Variants in CDK5RAP3 observed in about 807,000 individuals in gnomAD.
CDK5RAP3 encodes CDK5 regulatory subunit associated protein 3.
Under a neutral mutation model 73.3 loss-of-function variants are expected in CDK5RAP3, and 58 were observed. The observed-to-expected ratio is 0.79, with a 90% confidence interval of 0.64 to 0.98. CDK5RAP3 has a LOEUF of 0.98. Among genes scored for constraint, CDK5RAP3 ranks in the 50% least tolerant of loss-of-function variants. The pLI is 0.00. For synonymous variants in CDK5RAP3, 224 were observed against 247.5 expected (o/e 0.91, Z 0.89); for missense variants, 525 against 615.8 (o/e 0.85, Z 1.56).
In CDK5RAP3 at chr17:47,973,640, G is replaced by C. The variant is rs765270208; in HGVS notation, c.174G>C (p.Leu58=). ...AGAGCGAAGAGATCGCCCAGCTGCTGTCTGGGTCCTGTGAGTGCTTAGGGG... is the reference window on the plus strand; with the variant it reads ...AGAGCGAAGAGATCGCCCAGCTGCTCTCTGGGTCCTGTGAGTGCTTAGGGG... ...MPESEEIAQL[L]SGSYIHYFHC... Residue 58 remains leucine (L), a synonymous_variant, in exon 3 of 14, where the codon CTG becomes CTC. Transcript: ENST00000338399. 3 of 1,614,136 alleles carry C rather than the reference G, an allele frequency of 1.9e-6. No individual in the cohort carries two copies. The highest frequency in any genetic ancestry group is 2.2e-5 in the South Asian group (2 of 91,082).
In CDK5RAP3 at chr17:47,980,724, A is replaced by C; in HGVS notation, c.1209A>C (p.Ser403=). ...AAGAGAAGATGGTTACCATGGTGTC[A>C]GTGCTGGAGGATCTGATTGGCAAGC... The part of the protein sequence containing the change: ...QTKEKMVTMV[S]VLEDLIGKLT... Residue 403 remains serine (S), a synonymous_variant, in exon 12 of 14, where the codon TCA becomes TCC. Coordinates refer to ENST00000338399, the MANE Select transcript of CDK5RAP3 (RefSeq NM_176096.3). 3 of 1,614,232 alleles carry C rather than the reference A, an allele frequency of 1.9e-6. No homozygotes were observed. Among genetic ancestry groups the C allele is most frequent in the Non-Finnish European group, 2.5e-6 (3 of 1,180,050 alleles).
chr17:47,971,325 G>T (rs747674667), intron 1 of CDK5RAP3, 37 bp from the exon 2 acceptor site: 12 of 1,600,240 alleles, frequency 7.5e-6, no homozygotes, highest in Non-Finnish European at 1.0e-5. Context: ...TCCTCTCTCC[G>T]CGCTCACGCC....
intron 3 of CDK5RAP3, 73 bp downstream of exon 3, chr17:47,973,723 G>A: frequency 1.3e-6 from 2 of 1,578,534 alleles, no homozygotes; most frequent in Non-Finnish European, 1.7e-6. Flanking sequence ...CTACTCTCTT[G>A]TTATTTAGCC....
chr17:47,979,704 AGGAC>A (rs1055110879), intron 11 of CDK5RAP3: 2 of 152,440 alleles, frequency 1.3e-5, no homozygotes, highest in Admixed American at 1.3e-4. Context: ...TAAGGCTGGG[AGGAC>A]GGGGTCCTGT....
At chr17:47,979,325 G>T in intron 11 of CDK5RAP3, 1 of 171,614 alleles carries the variant, frequency 5.8e-6, no homozygotes, top group South Asian at 1.3e-4. Context: ...CTGGTGGTCA[G>T]GGAAGGCCTC....
At chr17:47,973,785 T>A in intron 3 of CDK5RAP3, 135 bp downstream of exon 3, 1 of 1,264,614 alleles carries the variant, frequency 7.9e-7, no homozygotes, top group African/African-American at 1.5e-5. Flanking sequence ...GTATAGATGC[T>A]GGCTTCTTCC....
intron 9 of CDK5RAP3, 106 bp downstream of exon 9, chr17:47,976,928 C>A: frequency 1.5e-6 from 1 of 657,106 alleles, no homozygotes; most frequent in Non-Finnish European, 2.6e-6. Flanking sequence ...AGCTCTAAGA[C>A]CAGGTATAGT....
At chr17:47,980,872 A>G in intron 12 of CDK5RAP3, 74 bp downstream of exon 12, 4 of 1,473,800 alleles carry the variant, frequency 2.7e-6, no homozygotes, top group Middle Eastern at 2.0e-4. Flanking sequence ...CTCTTGTTCC[A>G]TGACCCCTTA....
At position 47,975,647 on chromosome 17, in the gene CDK5RAP3, G is replaced by C; in HGVS notation, c.647G>C (p.Cys216Ser). The C allele has an allele frequency of 6.3e-7, 1 of 1,599,386 alleles. No individual in the cohort carries two copies. Among genetic ancestry groups the C allele is most frequent in the African/African-American group, 1.3e-5 (1 of 74,954 alleles). The stretch of plus-strand genomic sequence containing the variant: ...TACCAGGCGTCTGTGGGGTTTGTGT[G>C]TGAGAGGTAGAGAGGCCTCAGCTTC... ...DVYQASVGFV[C>S]ESPTEQVLPM... The change falls in exon 7 of 14, where the codon TGT becomes TCT. Residue 216 changes from cysteine (C) to serine (S), a missense_variant. Physicochemically the swap from Cys to Ser is moderately radical, Grantham distance 112. Transcript: ENST00000338399.
At position 47,978,926 on chromosome 17, in the gene CDK5RAP3, A is replaced by T. The variant is rs547270885; in HGVS notation, c.1077+9A>T. ...TTGATGAGCTCATGGAGGTACTGTC[A>T]TCTCTGGAAGATGCAGGGGGGAGGC... is the stretch of plus-strand genomic sequence containing the variant. On this transcript the variant is annotated intron_variant, in intron 11 of 13. Transcript: ENST00000338399. 2 of 1,609,496 alleles carry T rather than the reference A, an allele frequency of 1.2e-6. No homozygotes were observed. The highest frequency in any genetic ancestry group is 1.7e-5 in the Admixed American group (1 of 60,002).
At position 47,975,612 on chromosome 17, in the gene CDK5RAP3, C is replaced by A. The variant is rs912434412; in HGVS notation, c.612C>A (p.Ala204=). 1 of 1,607,348 alleles carries A rather than the reference C, an allele frequency of 6.2e-7. No homozygotes were observed. The highest frequency in any genetic ancestry group is 8.5e-7 in the Non-Finnish European group (1 of 1,179,926). ...GAAAQQSLGE[A]IDVYQASVGF... ...CGGCTCAGCAGTCCCTGGGGGAAGC[C>A]ATTGACGTGTACCAGGCGTCTGTGG... The change falls in exon 7 of 14, where the codon GCC becomes GCA. Residue 204 remains alanine, a synonymous_variant. Transcript: ENST00000338399.
rs1168043660 is a variant in CDK5RAP3 at position 47,975,061 on chromosome 17, T to C, written c.335-98T>C. The C allele has an allele frequency of 1.9e-6, 3 of 1,610,442 alleles. No homozygotes were observed. The East Asian group carries it at 6.7e-5, about 36-fold the overall frequency. On this transcript the variant is annotated intron_variant, in intron 5 of 13. Transcript: ENST00000338399. The stretch of plus-strand genomic sequence containing the variant: ...GAACAAGTGGGGCTGGGAAGCTGAC[T>C]TCGTGCTCTTCACCACCACAAAGGA...
chr17:47,975,522 T>C lies in CDK5RAP3; in HGVS notation c.522T>C (p.Asn174=), dbSNP rs1379771052. ...SCKQYGITGE[N]VRGELLALVK... The stretch of plus-strand genomic sequence containing the variant: ...TCTTCTCCCCTCTCTAGGGCGAAAA[T>C]GTCCGAGGAGAACTGCTGGCCCTGG... The change falls in exon 7 of 14, where the codon AAT becomes AAC. Residue 174 remains asparagine (N), a synonymous_variant. Transcript: ENST00000338399. The C allele has an allele frequency of 2.5e-6, 4 of 1,611,102 alleles. No homozygotes were observed. Among genetic ancestry groups the C allele is most frequent in the Non-Finnish European group, 3.4e-6 (4 of 1,180,016 alleles).
chr17:47,980,056 T>A (rs1255534393), intron 11 of CDK5RAP3: 1 of 155,266 alleles, frequency 6.4e-6, no homozygotes, highest in African/African-American at 2.4e-5. Context: ...AGTTATCTGA[T>A]CCCAGGCTGG....
chr17:47,975,769 C>T (rs2036393793), intron 7 of CDK5RAP3, 100 bp from the exon 8 acceptor site: 2 of 1,589,634 alleles, frequency 1.3e-6, no homozygotes, highest in African/African-American at 1.3e-5. Context: ...ACACCTGAAC[C>T]TGTGGGGGCC....
At position 47,981,654 on chromosome 17, in the gene CDK5RAP3, G is replaced by A; in HGVS notation, c.*152G>A. 4 of 1,545,988 alleles carry A rather than the reference G, an allele frequency of 2.6e-6. No individual in the cohort carries two copies. Among genetic ancestry groups the A allele is most frequent in the Non-Finnish European group, 3.5e-6 (4 of 1,150,134 alleles). On this transcript the variant is annotated 3_prime_UTR_variant, in exon 14 of 14. Transcript: ENST00000338399. The stretch of plus-strand genomic sequence containing the variant: ...GAAGCGGCACCTGATGGTGATCTTG[G>A]CACTCTCCATGTTCTCTACAAGAAG...
At chr17:47,971,562 C>T (rs998341289) in intron 2 of CDK5RAP3, among the ~76,000 whole-genome samples, 155 bp downstream of exon 2, 16 of 152,260 alleles carry the variant, frequency 1.1e-4, no homozygotes, top group Non-Finnish European at 1.6e-4. Flanking sequence ...AGACCTGCTT[C>T]CCTGATAGCA....
upstream of CDK5RAP3, chr17:47,970,708 G>T (rs955961506): frequency 6.5e-7 from 1 of 1,535,654 alleles, no homozygotes. Context: ...GTAAAGCGAC[G>T]CAAGGAGGGA....
Position 47,971,394 on chromosome 17 carries a change from C to A in CDK5RAP3, c.39C>A (p.Thr13=), listed in dbSNP as rs753667499. The A allele has an allele frequency of 1.2e-6, 2 of 1,608,546 alleles. No homozygotes were observed. The highest frequency in any genetic ancestry group is 2.2e-5 in the South Asian group (2 of 89,864). Residue 13 remains threonine (T), a synonymous_variant, in exon 2 of 14, where the codon ACC becomes ACA. Coordinates refer to ENST00000338399, the MANE Select transcript of CDK5RAP3 (RefSeq NM_176096.3). ...AGCACGTGCCCATCGACATCCAGAC[C>A]AGCAAGCTGCTCGGTAGGAGGGGGC... The part of the protein sequence containing the change: ...DHQHVPIDIQ[T]SKLLDWLVDR...
Sources: gnomAD v4.1 joint callset for allele counts (sites outside exome capture counted in the v4.1 genomes callset) on GRCh38, gnomAD v4.1.1 for gene constraint, MANE v1.5 for transcripts, NCBI Gene and HGNC (gene_info 2026-07-23, HGNC 2026-07-21) for gene names.